C1orf159: variants seen among roughly 807,000 people sequenced by gnomAD.
C1orf159 encodes the protein chromosome 1 open reading frame 159, also known as uncharacterized protein C1orf159.
In C1orf159, 19 loss-of-function variants were observed where a neutral mutation model predicts 25.6. The ratio of observed to expected loss-of-function variants is 0.74; its 90% CI spans 0.52 to 1.09. The LOEUF is 1.09. C1orf159 is among the 50% of genes least tolerant of loss of function. The pLI, the probability that C1orf159 is intolerant of heterozygous loss-of-function variation, is 0.00. For missense variants in C1orf159, 274 were observed against 290.6 expected (o/e 0.94, Z 0.42); for synonymous variants, 139 against 124.7 (o/e 1.12, Z -0.77).
intron 7 of C1orf159, 62 bp from the exon 8 acceptor site, chr1:1,084,568 T>C: frequency 6.5e-7 from 1 of 1,544,328 alleles, no homozygotes; most frequent in Non-Finnish European, 8.7e-7. Flanking sequence ...CTCAGCCCAG[T>C]GCAGCGTCCG....
At chr1:1,102,218 A>G (rs1646111681) in intron 1 of C1orf159, among the ~76,000 whole-genome samples, 1 of 151,926 alleles carries the variant, frequency 6.6e-6, no homozygotes, top group South Asian at 2.1e-4. Flanking sequence ...TGTTTCTTCA[A>G]GTACTTCTGT....
rs777714247 is a variant in C1orf159, at chr1:1,082,971, G to A, written c.519C>T (p.Tyr173=). The A allele has an allele frequency of 2.4e-5, 38 of 1,600,462 alleles. No individual in the cohort carries two copies. Among genetic ancestry groups the A allele is most frequent in the Non-Finnish European group, 3.0e-5 (35 of 1,174,324 alleles). ...TGTCCAGGGGCCGCTCCCGCCTGAC[G>A]TAGCGCGGCTTCCGTACTGAAACGG... ...PPQSSVRKPR[Y]VRRERPLDRA... The change falls in exon 10 of 10, where the codon TAC becomes TAT. Residue 173 remains tyrosine (Y), a synonymous_variant. Coordinates refer to ENST00000421241, the MANE Select transcript of C1orf159 (RefSeq NM_017891.5).
intron 1 of C1orf159, among the ~76,000 whole-genome samples, chr1:1,109,326 G>A (rs1289873172): frequency 1.3e-5 from 2 of 152,182 alleles, no homozygotes; most frequent in Non-Finnish European, 2.9e-5. Context: ...CAGGGTTGTC[G>A]AATTCATAGA....
In C1orf159 at chr1:1,087,387, G is replaced by A. The variant is rs892324467; in HGVS notation, c.244+115C>T. The A allele has an allele frequency of 5.8e-6, 7 of 1,207,904 alleles. No homozygotes were observed. In the Admixed American group the frequency reaches 7.3e-5, roughly 13 times the overall value. 74.8% of individuals were successfully genotyped at this position (1,207,904 alleles called of 1,614,324 possible). On this transcript the variant is annotated intron_variant, in intron 5 of 9. Coordinates refer to ENST00000421241, the MANE Select transcript of C1orf159 (RefSeq NM_017891.5). The surrounding 1 kb of genome is among the most constrained non-coding windows in gnomAD (Gnocchi z 8.3). The stretch of plus-strand genomic sequence containing the variant: ...TCGGGAAGAGGGGGCTCCCGGGGCT[G>A]TTCCCCAGTGGACAGTGGCTCTGGG...
intron 7 of C1orf159, 140 bp from the exon 8 acceptor site, chr1:1,084,646 G>A (rs898504254): frequency 6.1e-5 from 63 of 1,027,608 alleles, no homozygotes; most frequent in Non-Finnish European, 7.7e-5. Context: ...CAGAGGCCCC[G>A]GGGCTGCAGG....
intron 1 of C1orf159, among the ~76,000 whole-genome samples, chr1:1,111,953 G>A (rs74721821): frequency 0.016 from 2,411 of 152,308 alleles, 63 homozygotes; most frequent in African/African-American, 0.054. Flanking sequence ...CCCTTGATGG[G>A]GTGTAAAGGA....
intron 3 of C1orf159, chr1:1,090,844 A>G (rs1285764402): frequency 2.0e-6 from 3 of 1,514,136 alleles, no homozygotes; most frequent in South Asian, 1.2e-5. Context: ...GTGCCCAGGT[A>G]CTGCACAGGT....
At chr1:1,103,722 CT>C (rs1646134490) in intron 1 of C1orf159, among the ~76,000 whole-genome samples, 2 of 152,296 alleles carry the variant, frequency 1.3e-5, no homozygotes, top group South Asian at 4.1e-4. Flanking sequence ...AGATAGCGTA[CT>C]TTCTTTTTTG....
intron 1 of C1orf159, among the ~76,000 whole-genome samples, chr1:1,111,365 CA>C (rs35082223): frequency 0.2 from 22,199 of 108,988 alleles, 1,928 homozygotes; most frequent in Middle Eastern, 0.36. Context: ...TCATCTCTAC[CA>C]AAAAAAAAAA....
rs1646152896 is a variant in C1orf159, at chr1:1,105,087, G to A, written c.-136+10973C>T. 2.0e-5 allele frequency among the ~76,000 whole-genome samples: 3 copies of A among 152,390 alleles called. No homozygotes were observed. In the South Asian group the frequency reaches 6.2e-4, roughly 32 times the overall value. ...AGACTTGCATAAGACCACACTGTGA[G>A]TAGGCGGCAGGGTTAGGCCCAGGCC... On this transcript the variant is annotated intron_variant, in intron 1 of 9. Coordinates refer to ENST00000421241, the MANE Select transcript of C1orf159 (RefSeq NM_017891.5).
chr1:1,097,348 G>A (rs901729935), intron 1 of C1orf159, among the ~76,000 whole-genome samples: 1 of 151,374 alleles, frequency 6.6e-6, no homozygotes, highest in Non-Finnish European at 1.5e-5. Flanking sequence ...CAAGTGATCC[G>A]CCCACCTTGG....
At chr1:1,094,112 G>C (rs573088186) in intron 1 of C1orf159, among the ~76,000 whole-genome samples, 44 of 151,444 alleles carry the variant, frequency 2.9e-4, no homozygotes, top group African/African-American at 8.5e-4. Flanking sequence ...TGGCAGGGGT[G>C]GGGGGCATAG....
At chr1:1,083,029 G>T in intron 9 of C1orf159, 42 bp from the exon 10 acceptor site, 1 of 1,491,898 alleles carries the variant, frequency 6.7e-7, no homozygotes, top group South Asian at 1.2e-5. Flanking sequence ...GTGGGACCTG[G>T]ACAGCAGGGA....
chr1:1,111,405 T>C (rs1434289001), intron 1 of C1orf159, among the ~76,000 whole-genome samples: 1 of 149,844 alleles, frequency 6.7e-6, no homozygotes, highest in Non-Finnish European at 1.5e-5. Context: ...CTTGGTGACG[T>C]ATACTTGTGG....
In C1orf159 at chr1:1,087,366, G is replaced by A; in HGVS notation, c.244+136C>T. 1.7e-6 allele frequency: 2 copies of A among 1,168,988 alleles called. No individual in the cohort carries two copies. The highest frequency in any genetic ancestry group is 2.4e-6 in the Non-Finnish European group (2 of 843,872). 72.4% of individuals were successfully genotyped at this position (1,168,988 alleles called of 1,614,324 possible). Reference sequence around the variant, plus strand: ...GTCCCGAATGGCCCAGCAGACTCGGGAAGAGGGGGCTCCCGGGGCTGTTCC... The same window carrying A: ...GTCCCGAATGGCCCAGCAGACTCGGAAAGAGGGGGCTCCCGGGGCTGTTCC... On this transcript the variant is annotated intron_variant, in intron 5 of 9. Transcript: ENST00000421241. This position sits in a 1 kb window ranked among gnomAD's most constrained non-coding sequence, Gnocchi z 8.3.
At chr1:1,085,352 C>T (rs1409359705) in intron 7 of C1orf159, 4 of 350,960 alleles carry the variant, frequency 1.1e-5, no homozygotes, top group African/African-American at 4.3e-5. Context: ...GCTCAGAACC[C>T]GCCCCCGCCT....
chr1:1,114,483 C>G (rs1349691241), intron 1 of C1orf159, among the ~76,000 whole-genome samples: 6 of 152,198 alleles, frequency 3.9e-5, no homozygotes, highest in African/African-American at 1.4e-4. Flanking sequence ...TGGAGAGCAG[C>G]CGCAAGGCAG....
At chr1:1,084,124 A>C (rs756822133) in intron 9 of C1orf159, 1 of 1,566,974 alleles carries the variant, frequency 6.4e-7, no homozygotes, top group African/African-American at 1.4e-5. Context: ...CACGGGGATT[A>C]AAGGGGGGCG....
At position 1,087,753 on chromosome 1, in the gene C1orf159, A is replaced by G. The variant is rs2100744482; in HGVS notation, c.149-156T>C. On this transcript the variant is annotated intron_variant, in intron 4 of 9. Coordinates refer to ENST00000421241, the MANE Select transcript of C1orf159 (RefSeq NM_017891.5). The surrounding 1 kb of genome is among the most constrained non-coding windows in gnomAD (Gnocchi z 8.3). ...GTGGGCGGCAGACAAGGACACCCCC[A>G]GGGAGCATGGCGGGGCCGTGAGCAC... 2 of 636,952 alleles carry G rather than the reference A, an allele frequency of 3.1e-6. No homozygotes were observed. Among genetic ancestry groups the G allele is most frequent in the South Asian group, 1.9e-5 (1 of 53,022 alleles). The allele number at this position is 636,952 out of a possible 1,614,324, so 39.5% of individuals were successfully genotyped here. A position where few individuals can be genotyped will look rare whatever the true frequency, so the allele number is the denominator to read the frequency against.
Sources: allele counts gnomAD v4.1 joint callset (sites outside exome capture counted in the v4.1 genomes callset), GRCh38; gene constraint gnomAD v4.1.1; non-coding constraint Gnocchi (gnomAD v3.1); transcripts MANE v1.5; gene names NCBI Gene and HGNC (gene_info 2026-07-23, HGNC 2026-07-21).